Variants in PRKN observed in about 807,000 individuals in gnomAD.
PRKN encodes parkin RBR E3 ubiquitin protein ligase, also known as E3 ubiquitin-protein ligase parkin.
A neutral mutation model predicts 59.5 loss-of-function variants in PRKN; 56 were observed. That is an observed-to-expected ratio of 0.94 (90% CI 0.76 to 1.18). PRKN has a LOEUF of 1.18. PRKN is among the 50% of genes most tolerant of loss of function. PRKN has a pLI of 0.00. For synonymous variants in PRKN, 250 were observed against 222.1 expected (o/e 1.13, Z -1.12); for missense variants, 657 against 596.4 (o/e 1.10, Z -1.06).
chr6:161,902,550 T>C (rs9364624), intron 6 of PRKN, among the ~76,000 whole-genome samples: 12,603 of 100,344 alleles, frequency 0.13, 789 homozygotes, highest in Middle Eastern at 0.21. Context: ...ATCTATCTAT[T>C]TATTTATTTA....
rs576586040 is a variant in PRKN at position 161,349,798 on chromosome 6, C to T, written c.*301G>A. On this transcript the variant is annotated 3_prime_UTR_variant, in exon 12 of 12. Coordinates refer to ENST00000366898, the MANE Select transcript of PRKN (RefSeq NM_004562.3). The surrounding 1 kb of genome is among the most constrained non-coding windows in gnomAD (Gnocchi z 5.5). ...ATCTGTGCTCTGGTATTTGTGTCATCCGGAGGCTGAGAACGCCTGTTGGTG... is the reference window on the plus strand; with the variant it reads ...ATCTGTGCTCTGGTATTTGTGTCATTCGGAGGCTGAGAACGCCTGTTGGTG... The T allele has an allele frequency of 2.0e-6, 1 of 501,572 alleles. No homozygotes were observed. Among genetic ancestry groups the T allele is most frequent in the Non-Finnish European group, 3.7e-6 (1 of 272,562 alleles). 31.1% of individuals were successfully genotyped at this position (501,572 alleles called of 1,614,324 possible). A position where few individuals can be genotyped will look rare whatever the true frequency, so the allele number is the denominator to read the frequency against.
rs11394289 is a variant in PRKN, at chr6:162,515,084, CT to C, written c.8-71612del. 1.0e-3 allele frequency among the ~76,000 whole-genome samples: 141 copies of C among 140,328 alleles called. 1 individual carries two copies. Among genetic ancestry groups the C allele is most frequent in the South Asian group, 1.8e-3 (8 of 4,438 alleles). 92.1% of individuals were successfully genotyped at this position (140,328 alleles called of 152,430 possible). On this transcript the variant is annotated intron_variant, in intron 1 of 11. Coordinates refer to ENST00000366898, the MANE Select transcript of PRKN (RefSeq NM_004562.3). ...AGGAGGCCTTTGACAACTATTTTTACTTTTTTTTTTTTTTTGAGATGGAGTT... is the reference window on the plus strand; with the variant it reads ...AGGAGGCCTTTGACAACTATTTTTACTTTTTTTTTTTTTTGAGATGGAGTT...
At chr6:162,485,565 T>C (rs1284177540) in intron 1 of PRKN, among the ~76,000 whole-genome samples, 1 of 152,198 alleles carries the variant, frequency 6.6e-6, no homozygotes, top group African/African-American at 2.4e-5. Flanking sequence ...ACCTGCACAC[T>C]GGTATTTATC....
intron 7 of PRKN, among the ~76,000 whole-genome samples, chr6:161,698,414 T>C (rs933020464): frequency 6.6e-6 from 1 of 152,140 alleles, no homozygotes; most frequent in Non-Finnish European, 1.5e-5. Flanking sequence ...TCTAAATTTG[T>C]CTAAGAAACC....
At chr6:162,722,486 C>T (rs949076299) in intron 1 of PRKN, among the ~76,000 whole-genome samples, 8 of 152,010 alleles carry the variant, frequency 5.3e-5, no homozygotes, top group East Asian at 1.9e-4. Flanking sequence ...CAGATTACTA[C>T]GAAGAAACAT....
chr6:162,181,476 T>C (rs1783802044), intron 4 of PRKN, among the ~76,000 whole-genome samples: 1 of 152,156 alleles, frequency 6.6e-6, no homozygotes, highest in African/African-American at 2.4e-5. Flanking sequence ...AGGTATTAAA[T>C]GCTTTTTGAA....
At chr6:161,640,397 G>T (rs1246875609) in intron 7 of PRKN, among the ~76,000 whole-genome samples, 1 of 152,056 alleles carries the variant, frequency 6.6e-6, no homozygotes, top group Non-Finnish European at 1.5e-5. Context: ...GCACTCACTG[G>T]GGTAGTCTTG....
chr6:162,215,383 A>C (rs1279003214), intron 3 of PRKN, among the ~76,000 whole-genome samples: 1 of 152,158 alleles, frequency 6.6e-6, no homozygotes, highest in Non-Finnish European at 1.5e-5. Flanking sequence ...CTGGCCTTAA[A>C]ATAACTTAAT....
chr6:162,675,101 C>G (rs1489836622), intron 1 of PRKN, among the ~76,000 whole-genome samples: 2 of 150,964 alleles, frequency 1.3e-5, no homozygotes, highest in African/African-American at 4.9e-5. Flanking sequence ...GGCTGGAGTG[C>G]AGTGGCGCGA....
chr6:161,683,927 A>G (rs112172404), intron 7 of PRKN, among the ~76,000 whole-genome samples: 2 of 152,326 alleles, frequency 1.3e-5, no homozygotes, highest in African/African-American at 4.8e-5. Context: ...CAAAGGTGAC[A>G]CAAATTCTTC....
intron 5 of PRKN, among the ~76,000 whole-genome samples, chr6:161,984,324 C>G (rs1288255858): frequency 6.6e-6 from 1 of 152,120 alleles, no homozygotes; most frequent in African/African-American, 2.4e-5. Flanking sequence ...GAGGCGTGAC[C>G]TTGGCTCACC....
chr6:162,722,470 A>G (rs1023924423), intron 1 of PRKN, among the ~76,000 whole-genome samples: 1 of 152,170 alleles, frequency 6.6e-6, no homozygotes, highest in South Asian at 2.1e-4. Flanking sequence ...AGGGAGAGAA[A>G]CCATTCAGAT....
chr6:161,945,279 C>T (rs1416568616), intron 6 of PRKN, among the ~76,000 whole-genome samples: 1 of 152,122 alleles, frequency 6.6e-6, no homozygotes, highest in African/African-American at 2.4e-5. Flanking sequence ...AATTGGGTTA[C>T]CATCAAAGCC....
intron 7 of PRKN, among the ~76,000 whole-genome samples, chr6:161,621,316 G>C (rs528201210): frequency 1.6e-4 from 25 of 152,202 alleles, no homozygotes; most frequent in Admixed American, 3.3e-4. Flanking sequence ...TGGGATGCTG[G>C]TCGTGTGGCT....
rs1785010060 is a variant in PRKN, at chr6:161,362,367, C to A, written c.1168-2162G>T. 6.6e-6 allele frequency among the ~76,000 whole-genome samples: 1 copy of A among 152,192 alleles called. No homozygotes were observed. Among genetic ancestry groups the A allele is most frequent in the African/African-American group, 2.4e-5 (1 of 41,446 alleles). On this transcript the variant is annotated intron_variant, in intron 10 of 11. Coordinates refer to ENST00000366898, the MANE Select transcript of PRKN (RefSeq NM_004562.3). This position sits in a 1 kb window ranked among gnomAD's most constrained non-coding sequence, Gnocchi z 5.2. ...GCTATCTTCTTAGTCCCGCGCTGCC[C>A]ATCATCTGGGTCTTCCCAGGCCCTA...
At chr6:162,453,483 C>T (rs995002985) in intron 1 of PRKN, among the ~76,000 whole-genome samples, 1 of 152,106 alleles carries the variant, frequency 6.6e-6, no homozygotes, top group Non-Finnish European at 1.5e-5. Context: ...TATACTGTGG[C>T]TAAGACCATG....
chr6:162,688,140 G>A (rs1584050975), intron 1 of PRKN, among the ~76,000 whole-genome samples: 1 of 152,214 alleles, frequency 6.6e-6, no homozygotes, highest in East Asian at 1.9e-4. Flanking sequence ...ATTACAAATG[G>A]TACTGCTTTA....
At chr6:162,451,774 T>C (rs1412098702) in intron 1 of PRKN, among the ~76,000 whole-genome samples, 1 of 151,416 alleles carries the variant, frequency 6.6e-6, no homozygotes, top group Non-Finnish European at 1.5e-5. Flanking sequence ...ATATATGTTG[T>C]TGGAGTCACA....
chr6:161,384,611 T>C (rs902063266), intron 10 of PRKN, among the ~76,000 whole-genome samples: 3 of 152,242 alleles, frequency 2.0e-5, no homozygotes, highest in African/African-American at 7.2e-5. Context: ...CTATTAAATG[T>C]CTGTGCAGCA....
Sources: allele counts gnomAD v4.1 joint callset (sites outside exome capture counted in the v4.1 genomes callset), GRCh38; gene constraint gnomAD v4.1.1; non-coding constraint Gnocchi (gnomAD v3.1); transcripts MANE v1.5; gene names NCBI Gene and HGNC (gene_info 2026-07-23, HGNC 2026-07-21).